Variants in ZNF277 observed in about 807,000 individuals in gnomAD.
The protein encoded by ZNF277 is zinc finger protein 277, also known as nuclear receptor-interacting factor 4.
In ZNF277, 55 loss-of-function variants were observed where a neutral mutation model predicts 60.7. The observed-to-expected ratio is 0.91, with a 90% confidence interval of 0.73 to 1.13. The LOEUF is 1.13. ZNF277 is among the 50% of genes most tolerant of loss of function. The pLI is 0.00. For missense variants in ZNF277, 510 were observed against 523.0 expected (o/e 0.98, Z 0.24); for synonymous variants, 178 against 179.3 (o/e 0.99, Z 0.06).
At position 112,228,281 on chromosome 7, in the gene ZNF277, A is replaced by G. The variant is rs1374602864; in HGVS notation, c.91+21474A>G. Among the ~76,000 whole-genome samples, 7 of 152,008 alleles carry G rather than the reference A, an allele frequency of 4.6e-5. No homozygotes were observed. The South Asian group carries it at 6.2e-4, about 14-fold the overall frequency. ...CTTTAGTTACATCTGCAAAGACCCT[A>G]TTTCCAAATAAAATCACATTTTGGG... is the stretch of plus-strand genomic sequence containing the variant. On this transcript the variant is annotated intron_variant, in intron 1 of 11. Coordinates refer to ENST00000361822, the MANE Select transcript of ZNF277 (RefSeq NM_021994.3).
chr7:112,246,548 A>G (rs1185975181), intron 1 of ZNF277, among the ~76,000 whole-genome samples: 1 of 152,208 alleles, frequency 6.6e-6, no homozygotes, highest in African/African-American at 2.4e-5. Context: ...TGAGGACCTA[A>G]GAGAGCCAGT....
At chr7:112,284,378 T>C (rs1792013395) in intron 1 of ZNF277, among the ~76,000 whole-genome samples, 1 of 152,358 alleles carries the variant, frequency 6.6e-6, no homozygotes, top group Non-Finnish European at 1.5e-5. Flanking sequence ...GTTACCTTTA[T>C]TTAGAATATG....
intron 1 of ZNF277, among the ~76,000 whole-genome samples, chr7:112,265,788 T>A (rs1003538351): frequency 5.3e-5 from 8 of 152,328 alleles, no homozygotes; most frequent in South Asian, 4.1e-4. Context: ...TCAGTTTTTT[T>A]ATTCAGAAAA....
intron 1 of ZNF277, among the ~76,000 whole-genome samples, chr7:112,236,947 A>G (rs535053961): frequency 1.3e-5 from 2 of 152,286 alleles, no homozygotes; most frequent in East Asian, 1.9e-4. Flanking sequence ...TCATCAGAGT[A>G]TAGAACATTC....
chr7:112,206,782 C>G lies in ZNF277; in HGVS notation c.66C>G (p.Ser22Arg), dbSNP rs1391390332. The G allele has an allele frequency of 2.5e-6, 4 of 1,613,232 alleles. No homozygotes were observed. The highest frequency in any genetic ancestry group is 3.4e-6 in the Non-Finnish European group (4 of 1,179,708). Residue 22 changes from serine (S) to arginine (R), a missense_variant, in exon 1 of 12, where the codon AGC (serine) becomes AGG (arginine). Coordinates refer to ENST00000361822, the MANE Select transcript of ZNF277 (RefSeq NM_021994.3). ...AGGAAGACCGTGATGGGAGCTGCAG[C>G]ACAGTCGGGGGTGTAGGTTATGGGG... is the stretch of plus-strand genomic sequence containing the variant. ...RMQEDRDGSC[S>R]TVGGVGYGDS...
intron 1 of ZNF277, among the ~76,000 whole-genome samples, chr7:112,209,023 T>G (rs971782524): frequency 6.6e-6 from 1 of 152,152 alleles, no homozygotes; most frequent in Non-Finnish European, 1.5e-5. Context: ...CTATATAAAC[T>G]GAAAGATCTG....
intron 1 of ZNF277, among the ~76,000 whole-genome samples, chr7:112,233,478 G>T (rs1822394428): frequency 6.6e-6 from 1 of 152,120 alleles, no homozygotes; most frequent in South Asian, 2.1e-4. Flanking sequence ...TAGCATATAA[G>T]TGAATTAGAA....
At chr7:112,223,591 G>C (rs1366939270) in intron 1 of ZNF277, among the ~76,000 whole-genome samples, 1 of 152,182 alleles carries the variant, frequency 6.6e-6, no homozygotes, top group Non-Finnish European at 1.5e-5. Context: ...CCTGGTCGTA[G>C]GTTTGCCCTC....
At chr7:112,284,801 C>T (rs533312716) in intron 1 of ZNF277, among the ~76,000 whole-genome samples, 14 of 152,250 alleles carry the variant, frequency 9.2e-5, no homozygotes, top group African/African-American at 2.6e-4. Context: ...TTCTATGGGA[C>T]ACCTTCCTTC....
At chr7:112,235,637 T>G (rs1563199749) in intron 1 of ZNF277, among the ~76,000 whole-genome samples, 1 of 152,092 alleles carries the variant, frequency 6.6e-6, no homozygotes, top group Non-Finnish European at 1.5e-5. Flanking sequence ...TAAGAGTTCT[T>G]TATACATTCT....
At chr7:112,208,490 T>A (rs1425512763) in intron 1 of ZNF277, among the ~76,000 whole-genome samples, 1 of 151,798 alleles carries the variant, frequency 6.6e-6, no homozygotes, top group African/African-American at 2.4e-5. Context: ...CATTCAGAAG[T>A]GTATGAAGTA....
At chr7:112,286,211 A>G (rs900095839) in intron 1 of ZNF277, among the ~76,000 whole-genome samples, 1 of 152,230 alleles carries the variant, frequency 6.6e-6, no homozygotes, top group East Asian at 1.9e-4. Context: ...ACATATGTCT[A>G]GTGATCGAGC....
intron 1 of ZNF277, among the ~76,000 whole-genome samples, chr7:112,235,835 C>T (rs537043986): frequency 2.0e-5 from 3 of 151,778 alleles, no homozygotes; most frequent in Admixed American, 2.0e-4. Flanking sequence ...ATTTCCTAAC[C>T]AAAAAAGCTC....
intron 7 of ZNF277, 107 bp from the exon 8 acceptor site, chr7:112,335,997 T>A: frequency 5.1e-6 from 4 of 782,502 alleles, no homozygotes. Flanking sequence ...CATTTAAACA[T>A]GGGTGGTTTT....
chr7:112,340,722 G>T (rs1793426779), intron 10 of ZNF277, 150 bp from the exon 11 acceptor site: 2 of 625,312 alleles, frequency 3.2e-6, no homozygotes, highest in Admixed American at 6.8e-5. Context: ...AATATGTGCT[G>T]TTATTATTTG....
At chr7:112,326,326 G>A (rs980315393) in intron 5 of ZNF277, among the ~76,000 whole-genome samples, 8 of 151,818 alleles carry the variant, frequency 5.3e-5, no homozygotes, top group East Asian at 1.9e-4. Flanking sequence ...ACATGGCCTC[G>A]GGGATAGGGG....
intron 4 of ZNF277, among the ~76,000 whole-genome samples, chr7:112,317,291 G>C (rs947798367): frequency 6.6e-6 from 1 of 152,034 alleles, no homozygotes; most frequent in Admixed American, 6.6e-5. Context: ...ATGTATCCCA[G>C]AACTTAAAGT....
At chr7:112,326,989 C>T (rs1793110335) in intron 5 of ZNF277, among the ~76,000 whole-genome samples, 1 of 152,172 alleles carries the variant, frequency 6.6e-6, no homozygotes, top group South Asian at 2.1e-4. Flanking sequence ...CATTGTTTTG[C>T]AGGTTATCAC....
intron 1 of ZNF277, among the ~76,000 whole-genome samples, chr7:112,222,001 G>T (rs1301459418): frequency 2.0e-5 from 3 of 152,198 alleles, no homozygotes; most frequent in Non-Finnish European, 4.4e-5. Flanking sequence ...CACATTTATA[G>T]AGTCATGTAT....
Sources: gnomAD v4.1 joint callset for allele counts (sites outside exome capture counted in the v4.1 genomes callset) on GRCh38, gnomAD v4.1.1 for gene constraint, MANE v1.5 for transcripts, NCBI Gene and HGNC (gene_info 2026-07-23, HGNC 2026-07-21) for gene names.